DPP10: variants seen among roughly 807,000 people sequenced by gnomAD.
DPP10 encodes inactive dipeptidyl peptidase 10.
In DPP10, 33 loss-of-function variants were observed where a neutral mutation model predicts 120.9. That is an observed-to-expected ratio of 0.27 (90% confidence interval 0.21 to 0.37). DPP10 has a LOEUF of 0.37. DPP10 is among the 10% of genes least tolerant of loss of function. The pLI is 1.00. For synonymous variants in DPP10, 337 were observed against 326.1 expected (o/e 1.03, Z -0.36); for missense variants, 816 against 942.8 (o/e 0.87, Z 1.76).
intron 1 of DPP10, among the ~76,000 whole-genome samples, chr2:114,799,602 AG>A (rs1356285999): frequency 1.3e-5 from 2 of 152,158 alleles, no homozygotes. Flanking sequence ...AATTATGGAA[AG>A]GGGGTACTCA....
intron 1 of DPP10, among the ~76,000 whole-genome samples, chr2:115,199,981 A>G (rs2055577535): frequency 6.6e-6 from 1 of 152,168 alleles, no homozygotes; most frequent in African/African-American, 2.4e-5. Context: ...CAGGAAGTAT[A>G]TAAAATATCT....
At chr2:115,667,525 G>C (rs1462474342) in intron 5 of DPP10, among the ~76,000 whole-genome samples, 3 of 151,992 alleles carry the variant, frequency 2.0e-5, no homozygotes, top group African/African-American at 7.2e-5. Flanking sequence ...TTTGTATGTG[G>C]TAAAGAAAGG....
chr2:115,407,551 A>C (rs2068611450), intron 3 of DPP10, among the ~76,000 whole-genome samples: 1 of 152,146 alleles, frequency 6.6e-6, no homozygotes, highest in African/African-American at 2.4e-5. Context: ...GAAGGAGAGA[A>C]GGGACAAACC....
chr2:115,519,925 T>C (rs777914858), intron 4 of DPP10, among the ~76,000 whole-genome samples: 51 of 152,342 alleles, frequency 3.3e-4, no homozygotes, highest in Non-Finnish European at 6.0e-4. Context: ...AATTAACATC[T>C]TTCCAAAATG....
intron 21 of DPP10, 85 bp from the exon 22 acceptor site, chr2:115,836,072 T>A: frequency 1.5e-6 from 1 of 669,036 alleles, no homozygotes. Flanking sequence ...CCAGGCATAG[T>A]TGTTATATAT....
intron 1 of DPP10, among the ~76,000 whole-genome samples, chr2:114,986,164 T>C (rs1385283523): frequency 6.6e-6 from 1 of 152,218 alleles, no homozygotes; most frequent in East Asian, 1.9e-4. Flanking sequence ...GTTAAAATAA[T>C]CAAATGGTAA....
intron 1 of DPP10, among the ~76,000 whole-genome samples, chr2:114,698,203 A>G (rs1700178965): frequency 1.3e-5 from 2 of 152,028 alleles, no homozygotes; most frequent in Non-Finnish European, 2.9e-5. Context: ...AAACACTCAT[A>G]GTTACCCTCA....
chr2:115,713,000 C>T (rs2092380422), intron 7 of DPP10, among the ~76,000 whole-genome samples: 1 of 151,894 alleles, frequency 6.6e-6, no homozygotes, highest in Admixed American at 6.6e-5. Flanking sequence ...ATTTTTTTGA[C>T]ATGATGCCTA....
At chr2:114,614,080 ACC>A (rs1451677746) in intron 1 of DPP10, among the ~76,000 whole-genome samples, 1 of 152,140 alleles carries the variant, frequency 6.6e-6, no homozygotes, top group Non-Finnish European at 1.5e-5. Context: ...GTACATGTGT[ACC>A]TATGTAAAAA....
intron 1 of DPP10, among the ~76,000 whole-genome samples, chr2:114,563,361 A>C (rs534874797): frequency 2.8e-3 from 411 of 149,356 alleles, no homozygotes; most frequent in Non-Finnish European, 4.8e-3. Context: ...ACAGAGCAAG[A>C]CTCCATCTCA....
chr2:115,267,559 T>G (rs1177846656), intron 1 of DPP10, among the ~76,000 whole-genome samples: 2 of 152,210 alleles, frequency 1.3e-5, no homozygotes, highest in South Asian at 4.1e-4. Flanking sequence ...CAGCACTGCA[T>G]CGCTCTCTGT....
intron 1 of DPP10, among the ~76,000 whole-genome samples, chr2:114,480,416 T>C (rs1222764982): frequency 1.3e-5 from 2 of 152,158 alleles, no homozygotes; most frequent in Non-Finnish European, 2.9e-5. Flanking sequence ...CGTATGTTTA[T>C]TGTGGTAGTA....
chr2:115,046,757 A>G (rs1288173840), intron 1 of DPP10, among the ~76,000 whole-genome samples: 1 of 152,040 alleles, frequency 6.6e-6, no homozygotes, highest in African/African-American at 2.4e-5. Flanking sequence ...CAGAGGCATT[A>G]TATTTGTTAA....
At chr2:114,948,316 A>G (rs555735223) in intron 1 of DPP10, among the ~76,000 whole-genome samples, 1 of 152,184 alleles carries the variant, frequency 6.6e-6, no homozygotes, top group Admixed American at 6.5e-5. Context: ...TTTTTACTTG[A>G]CATTTCCAAT....
intron 1 of DPP10, among the ~76,000 whole-genome samples, chr2:114,837,240 A>G (rs1687811825): frequency 6.6e-6 from 1 of 152,218 alleles, no homozygotes; most frequent in Admixed American, 6.5e-5. Context: ...GACAGGCATA[A>G]GAAATTATAA....
chr2:115,705,342 C>A (rs533224261), intron 7 of DPP10, among the ~76,000 whole-genome samples: 6 of 151,964 alleles, frequency 3.9e-5, no homozygotes, highest in East Asian at 3.9e-4. Context: ...TTTTTAATCT[C>A]ATCAGGATGT....
intron 1 of DPP10, among the ~76,000 whole-genome samples, chr2:114,881,811 A>T (rs2139407): frequency 6.6e-6 from 1 of 152,086 alleles, no homozygotes; most frequent in Non-Finnish European, 1.5e-5. Context: ...CACAGTTGGT[A>T]CTGGAAATGT....
chr2:114,960,660 G>A (rs1308833580), intron 1 of DPP10, among the ~76,000 whole-genome samples: 8 of 152,016 alleles, frequency 5.3e-5, no homozygotes, highest in South Asian at 2.1e-4. Flanking sequence ...AATAACACTC[G>A]CACAGTGGTG....
At chr2:114,516,953 T>C (rs1207038357) in intron 1 of DPP10, among the ~76,000 whole-genome samples, 1 of 152,220 alleles carries the variant, frequency 6.6e-6, no homozygotes, top group Non-Finnish European at 1.5e-5. Context: ...ACTTTTCTTA[T>C]GTTGAGGTTA....
Sources: gnomAD v4.1 joint callset for allele counts (sites outside exome capture counted in the v4.1 genomes callset) on GRCh38, gnomAD v4.1.1 for gene constraint, MANE v1.5 for transcripts, NCBI Gene and HGNC (gene_info 2026-07-23, HGNC 2026-07-21) for gene names.